Variants in UNC13C observed in about 807,000 individuals in gnomAD.
The protein encoded by UNC13C is protein unc-13 homolog C.
A neutral mutation model predicts 245.4 loss-of-function variants in UNC13C; 174 were observed. The ratio of observed to expected loss-of-function variants is 0.71; its 90% CI spans 0.63 to 0.80. The LOEUF (loss-of-function observed/expected upper bound fraction) is 0.80. Among genes scored for constraint, UNC13C ranks in the 30% least tolerant of loss-of-function variants. The pLI, the probability that UNC13C is intolerant of heterozygous loss-of-function variation, is 0.00. For synonymous variants in UNC13C, 992 were observed against 895.1 expected (o/e 1.11, Z -1.93); for missense variants, 2,829 against 2,602.9 (o/e 1.09, Z -1.89).
intron 30 of UNC13C, among the ~76,000 whole-genome samples, chr15:54,593,206 G>C (rs962176836): frequency 2.6e-5 from 4 of 152,154 alleles, no homozygotes; most frequent in African/African-American, 9.7e-5. Context: ...TCTTTTATAG[G>C]TTACCTGGTG....
In UNC13C at chr15:54,554,495, C is replaced by A. The variant is rs80318106; in HGVS notation, c.5878-937C>A. 5.2e-3 allele frequency among the ~76,000 whole-genome samples: 792 copies of A among 152,188 alleles called. 1 individual carries two copies. The highest frequency in any genetic ancestry group is 0.01 in the Middle Eastern group (3 of 294). On this transcript the variant is annotated intron_variant, in intron 28 of 32. Coordinates refer to ENST00000260323, the MANE Select transcript of UNC13C (RefSeq NM_001080534.3). ...CAAAGGCACTGCTTTACTCTTCATT[C>A]CATACCTGCTCAGAGCTATGTTCCC... is the stretch of plus-strand genomic sequence containing the variant.
intron 4 of UNC13C, among the ~76,000 whole-genome samples, chr15:54,212,946 C>T (rs1567102647): frequency 6.6e-6 from 1 of 152,038 alleles, no homozygotes; most frequent in Non-Finnish European, 1.5e-5. Context: ...CAAACTGCCA[C>T]TATGCTAAGC....
At chr15:53,977,907 A>G (rs1424588995), upstream of UNC13C, among the ~76,000 whole-genome samples, 1 of 152,212 alleles carries the variant, frequency 6.6e-6, no homozygotes, top group Admixed American at 6.5e-5. Context: ...TGCATGTGTC[A>G]TTAATTGAAA....
At chr15:54,394,513 T>C (rs2040030958) in intron 18 of UNC13C, among the ~76,000 whole-genome samples, 2 of 151,810 alleles carry the variant, frequency 1.3e-5, no homozygotes, top group Admixed American at 1.3e-4. Context: ...CTGACAGCTT[T>C]GTAGAATAGA....
At chr15:54,442,712 G>A (rs903885759) in intron 19 of UNC13C, among the ~76,000 whole-genome samples, 1 of 152,050 alleles carries the variant, frequency 6.6e-6, no homozygotes, top group African/African-American at 2.4e-5. Context: ...TCTTTGATGT[G>A]ATGTATCACA....
intron 2 of UNC13C, among the ~76,000 whole-genome samples, chr15:54,080,556 T>C (rs1898887297): frequency 6.6e-6 from 1 of 152,076 alleles, no homozygotes; most frequent in African/African-American, 2.4e-5. Flanking sequence ...TGGGAAGTCA[T>C]ATGTTTCCAG....
At position 54,029,386 on chromosome 15, in the gene UNC13C, C is replaced by T. The variant is rs142839673; in HGVS notation, c.2983+13500C>T. 3.3e-5 allele frequency among the ~76,000 whole-genome samples: 5 copies of T among 152,316 alleles called. No individual in the cohort carries two copies. The East Asian group carries it at 9.7e-4, about 29-fold the overall frequency. ...GGCACATGATACAAACACGTGGTTT[C>T]CTTCCTTGATACTATTATGATCCGG... On this transcript the variant is annotated intron_variant, in intron 2 of 32. Coordinates refer to ENST00000260323, the MANE Select transcript of UNC13C (RefSeq NM_001080534.3).
intron 1 of UNC13C, among the ~76,000 whole-genome samples, chr15:53,980,453 AC>A (rs1483861479): frequency 1.3e-5 from 2 of 152,164 alleles, no homozygotes; most frequent in Non-Finnish European, 2.9e-5. Context: ...TGTAGGTGAA[AC>A]ACTATAGCAG....
At chr15:54,385,431 A>G (rs999708380) in intron 17 of UNC13C, among the ~76,000 whole-genome samples, 6 of 152,120 alleles carry the variant, frequency 3.9e-5, no homozygotes, top group African/African-American at 1.4e-4. Context: ...ATTAAGTACA[A>G]TAAGCCAGGC....
intron 19 of UNC13C, among the ~76,000 whole-genome samples, chr15:54,455,807 C>T (rs1891488923): frequency 6.6e-6 from 1 of 152,072 alleles, no homozygotes; most frequent in Non-Finnish European, 1.5e-5. Context: ...GATTTTCTCC[C>T]ATTCTGTGGG....
In UNC13C at chr15:54,533,034, G is replaced by A. The variant is rs1468790865; in HGVS notation, c.5664G>A (p.Val1888=). The A allele has an allele frequency of 3.1e-6, 5 of 1,596,558 alleles. No homozygotes were observed. In the African/African-American group the frequency reaches 6.7e-5, roughly 21 times the overall value. The change falls in exon 26 of 33, where the codon GTG becomes GTA. Residue 1888 remains valine, a synonymous_variant. Coordinates refer to ENST00000260323, the MANE Select transcript of UNC13C (RefSeq NM_001080534.3). ...KNSAAMDAEI[V]LRSLMDFLDK... is the part of the protein sequence containing the mutation. Reference sequence around the variant, plus strand: ...GTGCAGCAATGGATGCAGAGATTGTGTTAAGATCTCTTATGGATTTTTTGG... The same window carrying A: ...GTGCAGCAATGGATGCAGAGATTGTATTAAGATCTCTTATGGATTTTTTGG...
intron 18 of UNC13C, among the ~76,000 whole-genome samples, chr15:54,407,223 C>G (rs2040312515): frequency 6.6e-6 from 1 of 151,950 alleles, no homozygotes; most frequent in South Asian, 2.1e-4. Context: ...GAGGCAAAGG[C>G]ATAAACTAAT....
intron 30 of UNC13C, among the ~76,000 whole-genome samples, chr15:54,586,747 C>G (rs567809003): frequency 2.6e-5 from 4 of 152,128 alleles, no homozygotes; most frequent in Non-Finnish European, 5.9e-5. Context: ...ATGCAAGTTG[C>G]AAGTAATAAT....
chr15:53,852,639 G>C, the UNC13C span, among the ~76,000 whole-genome samples: 1 of 152,126 alleles, frequency 6.6e-6, no homozygotes, highest in Non-Finnish European at 1.5e-5. Context: ...GCCCCATGCT[G>C]CTGTCTGGTA....
intron 10 of UNC13C, among the ~76,000 whole-genome samples, chr15:54,282,243 A>ATGTGTT (rs1207887925): frequency 6.6e-6 from 1 of 152,224 alleles, no homozygotes; most frequent in Non-Finnish European, 1.5e-5. Flanking sequence ...ACAGAATCAT[A>ATGTGTT]AATATATGAA....
At chr15:54,103,476 T>C (rs1045558831) in intron 2 of UNC13C, among the ~76,000 whole-genome samples, 7 of 152,246 alleles carry the variant, frequency 4.6e-5, no homozygotes, top group Admixed American at 1.3e-4. Flanking sequence ...TTACCAACCG[T>C]GTTCAAATTA....
intron 30 of UNC13C, among the ~76,000 whole-genome samples, chr15:54,620,385 C>T (rs1377427411): frequency 2.0e-5 from 3 of 152,082 alleles, no homozygotes; most frequent in Non-Finnish European, 2.9e-5. Context: ...TTTCCTTAGA[C>T]GTTACTTGTT....
chr15:54,517,505 G>A (rs1463237962), intron 24 of UNC13C, among the ~76,000 whole-genome samples: 1 of 152,112 alleles, frequency 6.6e-6, no homozygotes, highest in Non-Finnish European at 1.5e-5. Flanking sequence ...TTAGACTAGA[G>A]ATGCCTTTTA....
At chr15:53,928,910 G>T in the UNC13C span, among the ~76,000 whole-genome samples, 1 of 152,196 alleles carries the variant, frequency 6.6e-6, no homozygotes, top group African/African-American at 2.4e-5. Context: ...TTGAAATTCA[G>T]CCTTGAAGAC....
Sources: allele counts gnomAD v4.1 joint callset (sites outside exome capture counted in the v4.1 genomes callset), GRCh38; gene constraint gnomAD v4.1.1; transcripts MANE v1.5; gene names NCBI Gene and HGNC (gene_info 2026-07-23, HGNC 2026-07-21).